The following C1orf21 variants were observed in gnomAD, a reference collection of about 807,000 sequenced individuals.
The protein encoded by C1orf21 is uncharacterized protein C1orf21.
Under a neutral mutation model 18.7 loss-of-function variants are expected in C1orf21, and 3 were observed. That is an observed-to-expected ratio of 0.16 (90% CI 0.07 to 0.42). The LOEUF (loss-of-function observed/expected upper bound fraction) is 0.42. C1orf21 is among the 10% of genes least tolerant of loss of function. The pLI is 0.99. For synonymous variants in C1orf21, 41 were observed against 46.4 expected, an observed-to-expected ratio of 0.88 and a Z score of 0.47; for missense variants, 104 against 143.6, an observed-to-expected ratio of 0.72 and a Z score of 1.41.
intron 1 of C1orf21, among the ~76,000 whole-genome samples, chr1:184,468,038 CAA>C (rs1571372262): frequency 4.0e-5 from 6 of 151,296 alleles, no homozygotes; most frequent in Middle Eastern, 3.4e-3. Context: ...AACAGACAGA[CAA>C]AGAGAGATTG....
At chr1:184,475,756 TGTGTGTGTG>T (rs1484254393) in intron 1 of C1orf21, among the ~76,000 whole-genome samples, 2 of 151,368 alleles carry the variant, frequency 1.3e-5, no homozygotes, top group Non-Finnish European at 3.0e-5. Context: ...TGTGTGTGTG[TGTGTGTGTG>T]TGTGTGTGTG....
intron 1 of C1orf21, among the ~76,000 whole-genome samples, chr1:184,419,043 G>C (rs1489263611): frequency 6.6e-6 from 1 of 152,074 alleles, no homozygotes; most frequent in Non-Finnish European, 1.5e-5. Context: ...TGTCCAAGGG[G>C]TCTTTCTGTT....
chr1:184,435,869 T>C (rs1656849057), intron 1 of C1orf21, among the ~76,000 whole-genome samples: 1 of 152,242 alleles, frequency 6.6e-6, no homozygotes, highest in Non-Finnish European at 1.5e-5. Context: ...ATCTGAAATC[T>C]GAACAAATGT....
intron 1 of C1orf21, among the ~76,000 whole-genome samples, chr1:184,422,036 G>A (rs919789319): frequency 6.6e-6 from 1 of 152,214 alleles, no homozygotes; most frequent in Non-Finnish European, 1.5e-5. Flanking sequence ...CTTGATGAAA[G>A]ATATCAACTG....
At chr1:184,530,951 T>C (rs1318936404) in intron 3 of C1orf21, among the ~76,000 whole-genome samples, 2 of 152,150 alleles carry the variant, frequency 1.3e-5, no homozygotes, top group Non-Finnish European at 2.9e-5. Flanking sequence ...CCTACGGCCA[T>C]TTAAATATTA....
chr1:184,407,367 A>G (rs1656264638), intron 1 of C1orf21, among the ~76,000 whole-genome samples: 1 of 152,220 alleles, frequency 6.6e-6, no homozygotes, highest in Non-Finnish European at 1.5e-5. Context: ...TGGGAAAAAA[A>G]TGAAATAGGT....
chr1:184,606,744 C>T (rs575657104), intron 5 of C1orf21, among the ~76,000 whole-genome samples: 5 of 152,190 alleles, frequency 3.3e-5, no homozygotes, highest in East Asian at 3.9e-4. Flanking sequence ...TAGAAATGAG[C>T]CAGGGCCATG....
At chr1:184,583,417 T>C (rs1018124923) in intron 3 of C1orf21, among the ~76,000 whole-genome samples, 1 of 152,214 alleles carries the variant, frequency 6.6e-6, no homozygotes, top group Non-Finnish European at 1.5e-5. Context: ...AGTGCAAACA[T>C]TCTTGAGAAA....
chr1:184,567,314 A>G, intron 3 of C1orf21: 1 of 467,410 alleles, frequency 2.1e-6, no homozygotes, highest in South Asian at 1.7e-5. Context: ...CTGTGACTTG[A>G]CTTCACCTGA....
chr1:184,498,560 C>A (rs75023744), intron 2 of C1orf21, among the ~76,000 whole-genome samples: 110 of 152,292 alleles, frequency 7.2e-4, no homozygotes, highest in African/African-American at 2.6e-3. Context: ...GATGAGTCAG[C>A]AGACATTTAT....
intron 5 of C1orf21, among the ~76,000 whole-genome samples, chr1:184,610,613 G>A (rs914921278): frequency 1.8e-4 from 28 of 152,140 alleles, no homozygotes; most frequent in Admixed American, 1.0e-3. Context: ...TTGGGAGGCC[G>A]AGGCAGGCGG....
intron 1 of C1orf21, among the ~76,000 whole-genome samples, chr1:184,413,088 A>C (rs1052502880): frequency 6.6e-6 from 1 of 152,222 alleles, no homozygotes; most frequent in Non-Finnish European, 1.5e-5. Context: ...GATTCCTAAG[A>C]GCAAGTAAAG....
At chr1:184,455,481 G>A (rs904158607) in intron 1 of C1orf21, among the ~76,000 whole-genome samples, 8 of 152,114 alleles carry the variant, frequency 5.3e-5, no homozygotes, top group African/African-American at 1.9e-4. Flanking sequence ...GAGAAACAAA[G>A]TCTTAGAAAG....
chr1:184,543,983 T>C (rs1311931306), intron 3 of C1orf21, among the ~76,000 whole-genome samples: 1 of 152,182 alleles, frequency 6.6e-6, no homozygotes, highest in East Asian at 1.9e-4. Context: ...TTAAGTAGCT[T>C]TGGAAAACAC....
rs932914139 is a variant in C1orf21, at chr1:184,387,743, C to T, written c.-125+375C>T. 1.3e-5 allele frequency among the ~76,000 whole-genome samples: 2 copies of T among 152,204 alleles called. No homozygotes were observed. Among genetic ancestry groups the T allele is most frequent in the Admixed American group, 6.5e-5 (1 of 15,286 alleles). On this transcript the variant is annotated intron_variant, in intron 1 of 5. Transcript: ENST00000235307. This position sits in a 1 kb window ranked among gnomAD's most constrained non-coding sequence, Gnocchi z 5.6. ...CCGCACCCTGCCGCCCTCAGCCTTC[C>T]TGCTCTCCTCTAGCTTTGCATGTAG...
At chr1:184,501,451 C>T (rs190931142) in intron 2 of C1orf21, among the ~76,000 whole-genome samples, 72 of 152,242 alleles carry the variant, frequency 4.7e-4, no homozygotes, top group Non-Finnish European at 7.4e-4. Flanking sequence ...TCCAAGACTC[C>T]GCTTAACCTT....
At chr1:184,501,877 C>T (rs761018459) in intron 2 of C1orf21, among the ~76,000 whole-genome samples, 3 of 151,940 alleles carry the variant, frequency 2.0e-5, no homozygotes, top group Non-Finnish European at 2.9e-5. Flanking sequence ...AAGAAAAACA[C>T]CACACCTCTA....
chr1:184,608,144 G>A (rs1659676157), intron 5 of C1orf21, among the ~76,000 whole-genome samples: 1 of 152,198 alleles, frequency 6.6e-6, no homozygotes, highest in Admixed American at 6.5e-5. Context: ...CTTAGAAGGA[G>A]GGCAGAGGCT....
rs35619860 is a variant in C1orf21 at position 184,548,409 on chromosome 1, C to CTT, written c.189+40746_189+40747dup. 9.4e-3 allele frequency among the ~76,000 whole-genome samples: 1,108 copies of CTT among 117,864 alleles called. 28 individuals are homozygous for CTT. Among genetic ancestry groups the CTT allele is most frequent in the East Asian group, 0.066 (251 of 3,820 alleles). 77.3% of individuals were successfully genotyped at this position (117,864 alleles called of 152,430 possible). ...ATTCATTTTATACCCATTGCAGACT[C>CTT]TTTTTTTTTTTTTTTTTTTTGTTGA... is the stretch of plus-strand genomic sequence containing the variant. On this transcript the variant is annotated intron_variant, in intron 3 of 5. Coordinates refer to ENST00000235307, the MANE Select transcript of C1orf21 (RefSeq NM_030806.4).
Sources: allele counts gnomAD v4.1 joint callset (sites outside exome capture counted in the v4.1 genomes callset), GRCh38; gene constraint gnomAD v4.1.1; non-coding constraint Gnocchi (gnomAD v3.1); transcripts MANE v1.5; gene names NCBI Gene and HGNC (gene_info 2026-07-23, HGNC 2026-07-21).